Variants in KLF12 observed in about 807,000 individuals in gnomAD.
The protein encoded by KLF12 is Krueppel-like factor 12.
A neutral mutation model predicts 37.8 loss-of-function variants in KLF12; 9 were observed. The ratio of observed to expected loss-of-function variants is 0.24; its 90% confidence interval spans 0.14 to 0.42. KLF12 has a LOEUF of 0.42. KLF12 is among the 10% of genes least tolerant of loss of function. KLF12 has a pLI of 1.00. For missense variants in KLF12, 411 were observed against 516.0 expected, an observed-to-expected ratio of 0.80 and a Z score of 1.97; for synonymous variants, 208 against 202.1, an observed-to-expected ratio of 1.03 and a Z score of -0.25.
chr13:73,796,365 T>TC (rs1881963105), intron 5 of KLF12, among the ~76,000 whole-genome samples: 1 of 111,160 alleles, frequency 9.0e-6, no homozygotes, highest in Non-Finnish European at 1.9e-5. Flanking sequence ...TATCTCTAGT[T>TC]CACTTTTTTT....
chr13:73,704,114 T>C (rs1874749421), intron 7 of KLF12, among the ~76,000 whole-genome samples: 1 of 152,194 alleles, frequency 6.6e-6, no homozygotes, highest in Non-Finnish European at 1.5e-5. Flanking sequence ...ACCTCTTCCT[T>C]TACCTGTTGC....
the KLF12 span, among the ~76,000 whole-genome samples, chr13:74,191,667 T>C: frequency 6.6e-6 from 1 of 152,174 alleles, no homozygotes; most frequent in Middle Eastern, 3.2e-3. Context: ...ACAGGCCTAC[T>C]TAGAAGACAA....
intron 1 of KLF12, among the ~76,000 whole-genome samples, chr13:74,123,190 T>C (rs1194125651): frequency 6.6e-6 from 1 of 151,970 alleles, no homozygotes; most frequent in Non-Finnish European, 1.5e-5. Context: ...TGTGTGTTGG[T>C]TGGAAACATA....
the KLF12 span, among the ~76,000 whole-genome samples, chr13:74,202,291 AG>A: frequency 6.6e-6 from 1 of 152,104 alleles, no homozygotes; most frequent in African/African-American, 2.4e-5. Context: ...CCAAAGCAAA[AG>A]CACCAAAGCC....
At chr13:74,099,874 C>T (rs1171904663) in intron 1 of KLF12, among the ~76,000 whole-genome samples, 1 of 152,140 alleles carries the variant, frequency 6.6e-6, no homozygotes, top group African/African-American at 2.4e-5. Flanking sequence ...AATAGAAATA[C>T]ATACTAAACA....
the KLF12 span, among the ~76,000 whole-genome samples, chr13:74,212,949 T>TA: frequency 5.1e-4 from 77 of 151,414 alleles, no homozygotes; most frequent in African/African-American, 1.8e-3. Context: ...TTCAGAAAGG[T>TA]AAAAAAAATA....
chr13:73,755,239 T>C (rs1301578968), intron 6 of KLF12, among the ~76,000 whole-genome samples: 2 of 152,172 alleles, frequency 1.3e-5, no homozygotes, highest in South Asian at 2.1e-4. Flanking sequence ...AGTACAGGAA[T>C]GGAAAAAGAG....
In KLF12 at chr13:74,062,943, T is replaced by C. The variant is rs143579443; in HGVS notation, c.-31-67890A>G. ...AAGGCTAGAGATCCTCTTCACCCACTTTCTGTGTGGGCCATTACACAAGCC... is the reference window on the plus strand; with the variant it reads ...AAGGCTAGAGATCCTCTTCACCCACCTTCTGTGTGGGCCATTACACAAGCC... On this transcript the variant is annotated intron_variant, in intron 1 of 7. Coordinates refer to ENST00000377669, the MANE Select transcript of KLF12 (RefSeq NM_007249.5). Among the ~76,000 whole-genome samples, 1,067 of 152,266 alleles carry C rather than the reference T, an allele frequency of 7.0e-3. 6 individuals are homozygous for C. The highest frequency in any genetic ancestry group is 0.011 in the Non-Finnish European group (775 of 67,994).
At chr13:73,983,490 T>C (rs1031397564) in intron 2 of KLF12, among the ~76,000 whole-genome samples, 5 of 152,226 alleles carry the variant, frequency 3.3e-5, no homozygotes, top group Non-Finnish European at 7.3e-5. Context: ...AGTTACTGCC[T>C]GCCAATCTTG....
chr13:73,978,462 T>C (rs1409743953), intron 2 of KLF12, among the ~76,000 whole-genome samples: 4 of 152,204 alleles, frequency 2.6e-5, no homozygotes, highest in Admixed American at 6.5e-5. Flanking sequence ...ACTCCAAATG[T>C]TGGCGAGCAT....
chr13:74,103,752 C>T (rs960138572), intron 1 of KLF12, among the ~76,000 whole-genome samples: 4 of 152,094 alleles, frequency 2.6e-5, no homozygotes, highest in African/African-American at 4.8e-5. Flanking sequence ...ACTGATGAGA[C>T]GTAATTCAAC....
intron 7 of KLF12, among the ~76,000 whole-genome samples, chr13:73,704,488 T>G (rs960788862): frequency 1.3e-5 from 2 of 152,204 alleles, no homozygotes; most frequent in African/African-American, 4.8e-5. Flanking sequence ...CATCTGCCAG[T>G]TCTGCCTTCT....
intron 1 of KLF12, among the ~76,000 whole-genome samples, chr13:74,074,154 G>C (rs1874432430): frequency 6.6e-6 from 1 of 152,200 alleles, no homozygotes; most frequent in South Asian, 2.1e-4. Context: ...TCGAGAGAGA[G>C]AGAGAGTGTG....
intron 1 of KLF12, among the ~76,000 whole-genome samples, chr13:74,048,484 G>A (rs1893605737): frequency 6.6e-6 from 1 of 151,414 alleles, no homozygotes; most frequent in South Asian, 2.1e-4. Flanking sequence ...TTTATGTTTT[G>A]GGAATCCCAT....
the KLF12 span, among the ~76,000 whole-genome samples, chr13:74,202,823 C>T: frequency 2.7e-3 from 411 of 152,238 alleles, 3 homozygotes; most frequent in South Asian, 8.3e-4. Flanking sequence ...CAGGCATTTG[C>T]TCTGAACCAT....
intron 3 of KLF12, among the ~76,000 whole-genome samples, chr13:73,918,360 T>A (rs748931371): frequency 6.6e-6 from 1 of 152,204 alleles, no homozygotes; most frequent in Non-Finnish European, 1.5e-5. Context: ...CACTGAAATG[T>A]CTACAACTAT....
chr13:73,914,057 C>T (rs1467948581), intron 3 of KLF12, among the ~76,000 whole-genome samples: 1 of 152,180 alleles, frequency 6.6e-6, no homozygotes, highest in East Asian at 1.9e-4. Context: ...AGTCTTTAAG[C>T]TGACTGGCTT....
At position 73,843,476 on chromosome 13, in the gene KLF12, T is replaced by G. The variant is rs150801567; in HGVS notation, c.670+2351A>C. 1.8e-4 allele frequency among the ~76,000 whole-genome samples: 27 copies of G among 152,088 alleles called. No individual in the cohort carries two copies. The East Asian group carries it at 5.0e-3, about 28-fold the overall frequency. On this transcript the variant is annotated intron_variant, in intron 4 of 7. Coordinates refer to ENST00000377669, the MANE Select transcript of KLF12 (RefSeq NM_007249.5). ...GCGTGCGCCACCACCCCTGGCTAAT[T>G]TTTTGTATCTTTAGTAGAGATCGGG...
chr13:74,096,649 C>T (rs557856026), intron 1 of KLF12, among the ~76,000 whole-genome samples: 4 of 152,238 alleles, frequency 2.6e-5, no homozygotes, highest in African/African-American at 9.6e-5. Context: ...ATACCTATGA[C>T]GAGAAAACTC....
Sources: gnomAD v4.1 joint callset for allele counts (sites outside exome capture counted in the v4.1 genomes callset) on GRCh38, gnomAD v4.1.1 for gene constraint, MANE v1.5 for transcripts, NCBI Gene and HGNC (gene_info 2026-07-23, HGNC 2026-07-21) for gene names.